NCOA7: variants seen among roughly 807,000 people sequenced by gnomAD.
NCOA7 encodes 140 kDa estrogen receptor-associated protein.
Under a neutral mutation model 104.3 loss-of-function variants are expected in NCOA7, and 45 were observed. The observed-to-expected ratio is 0.43, with a 90% CI of 0.34 to 0.55. The LOEUF (loss-of-function observed/expected upper bound fraction) is 0.55. NCOA7 is among the 20% of genes least tolerant of loss of function. NCOA7 has a pLI of 0.02. For missense variants in NCOA7, 1,041 were observed against 1,119.7 expected (o/e 0.93, Z 1.00); for synonymous variants, 398 against 402.3 (o/e 0.99, Z 0.13).
intron 3 of NCOA7, among the ~76,000 whole-genome samples, chr6:125,867,281 C>T (rs969408166): frequency 1.3e-5 from 2 of 152,164 alleles, no homozygotes; most frequent in Non-Finnish European, 1.5e-5. Flanking sequence ...CTGCTAATGA[C>T]CACATTTTCA....
chr6:125,928,303 G>C, intron 15 of NCOA7, 56 bp downstream of exon 15: 1 of 1,501,370 alleles, frequency 6.7e-7, no homozygotes, highest in South Asian at 1.2e-5. Flanking sequence ...TGACCTGAGT[G>C]GGTCTGTTTT....
intron 8 of NCOA7, among the ~76,000 whole-genome samples, chr6:125,887,454 G>A (rs1784343499): frequency 6.6e-6 from 1 of 152,144 alleles, no homozygotes; most frequent in African/African-American, 2.4e-5. Context: ...TTCTTTCACA[G>A]TTGTATTTCA....
Position 125,928,979 on chromosome 6 carries a change from C to G in NCOA7, c.*208C>G. The G allele has an allele frequency of 2.1e-6, 1 of 483,892 alleles. No homozygotes were observed. Among genetic ancestry groups the G allele is most frequent in the Non-Finnish European group, 3.5e-6 (1 of 287,280 alleles). 30.0% of individuals were successfully genotyped at this position (483,892 alleles called of 1,614,324 possible). ...ACATTGAAGAAAGAAACTTAAAATC[C>G]AGGTTGTTGAAAAGACTTTGTACTC... On this transcript the variant is annotated 3_prime_UTR_variant, in exon 16 of 16. Transcript: ENST00000392477.
chr6:125,797,563 G>A (rs1396208968), intron 1 of NCOA7, among the ~76,000 whole-genome samples: 5 of 152,132 alleles, frequency 3.3e-5, no homozygotes, highest in Non-Finnish European at 5.9e-5. Context: ...TGTGATTCTG[G>A]CCTCGCTACA....
chr6:125,919,713 G>A (rs999260992), intron 11 of NCOA7, among the ~76,000 whole-genome samples: 2 of 152,102 alleles, frequency 1.3e-5, no homozygotes, highest in African/African-American at 4.8e-5. Flanking sequence ...CATTTAAAAT[G>A]CTTGGTTTGT....
rs766597149 is a variant in NCOA7 at position 125,889,892 on chromosome 6, C to G, written c.1838C>G (p.Thr613Ser). The change falls in exon 9 of 16, where the codon ACT (threonine) becomes AGT (serine). Residue 613 changes from threonine to serine, a missense_variant. This residue lies in a region of NCOA7 where 914 missense variants were observed against 942.7 expected (regional missense o/e 0.97). Coordinates refer to ENST00000392477, the MANE Select transcript of NCOA7 (RefSeq NM_181782.5). ...GCTCTAGACTCCTCTTTGGAATCTA[C>G]TCTGGACAACAGCTGTCAAGGTGCA... is the stretch of plus-strand genomic sequence containing the variant. ...KEALDSSLESTLDNSCQGAQM... is the reference protein window; with the variant it reads ...KEALDSSLESSLDNSCQGAQM... 1 of 1,608,980 alleles carries G rather than the reference C, an allele frequency of 6.2e-7. No homozygotes were observed. The highest frequency in any genetic ancestry group is 1.1e-5 in the South Asian group (1 of 89,792).
At chr6:125,842,373 A>C (rs1403176276) in intron 2 of NCOA7, among the ~76,000 whole-genome samples, 1 of 152,182 alleles carries the variant, frequency 6.6e-6, no homozygotes, top group African/African-American at 2.4e-5. Flanking sequence ...GTCTTCAAGA[A>C]AACAACATTT....
intron 1 of NCOA7, among the ~76,000 whole-genome samples, chr6:125,804,658 T>G (rs1402725323): frequency 6.6e-6 from 1 of 152,208 alleles, no homozygotes; most frequent in Non-Finnish European, 1.5e-5. Context: ...ATGCATTCAA[T>G]ATATTAAAAA....
intron 8 of NCOA7, among the ~76,000 whole-genome samples, chr6:125,886,840 G>T (rs568060262): frequency 2.0e-5 from 3 of 152,362 alleles, no homozygotes; most frequent in Admixed American, 6.5e-5. Flanking sequence ...AAGTGGGTAT[G>T]TGTAAAACTC....
chr6:125,849,158 T>G (rs2128613213), intron 2 of NCOA7, among the ~76,000 whole-genome samples: 1 of 152,310 alleles, frequency 6.6e-6, no homozygotes, highest in Admixed American at 6.5e-5. Flanking sequence ...AGAAAAAGCT[T>G]CAGAAGAAAA....
intron 10 of NCOA7, among the ~76,000 whole-genome samples, chr6:125,912,498 G>A (rs1235858227): frequency 1.3e-5 from 2 of 152,168 alleles, no homozygotes; most frequent in East Asian, 1.9e-4. Context: ...GGGACACTAG[G>A]GTGTCATCAC....
At chr6:125,885,815 T>TGTA (rs1784209711) in intron 8 of NCOA7, among the ~76,000 whole-genome samples, 1 of 152,152 alleles carries the variant, frequency 6.6e-6, no homozygotes, top group Non-Finnish European at 1.5e-5. Context: ...GGGTCTACAG[T>TGTA]GTAGTGGTAG....
chr6:125,868,726 G>A (rs933980917), intron 3 of NCOA7, among the ~76,000 whole-genome samples: 1 of 152,200 alleles, frequency 6.6e-6, no homozygotes. Context: ...TCATAAATCA[G>A]GGTACCCCTT....
chr6:125,834,158 T>A (rs1779416943), intron 2 of NCOA7, among the ~76,000 whole-genome samples: 1 of 151,196 alleles, frequency 6.6e-6, no homozygotes, highest in Non-Finnish European at 1.5e-5. Flanking sequence ...TTTGTTTTTG[T>A]TTTAATAAAA....
chr6:125,813,332 C>G (rs929730015), intron 1 of NCOA7, among the ~76,000 whole-genome samples: 66 of 152,266 alleles, frequency 4.3e-4, no homozygotes, highest in African/African-American at 1.5e-3. Flanking sequence ...TGACCCAGAT[C>G]CTGCCCATGT....
Position 125,928,885 on chromosome 6 carries a change from C to T in NCOA7, c.*114C>T, listed in dbSNP as rs1262926324. 7.1e-6 allele frequency: 8 copies of T among 1,130,432 alleles called. No homozygotes were observed. The Admixed American group carries it at 1.1e-4, about 16-fold the overall frequency. 70.0% of individuals were successfully genotyped at this position (1,130,432 alleles called of 1,614,324 possible). A position where few individuals can be genotyped will look rare whatever the true frequency, so the allele number is the denominator to read the frequency against. On this transcript the variant is annotated 3_prime_UTR_variant, in exon 16 of 16. Coordinates refer to ENST00000392477, the MANE Select transcript of NCOA7 (RefSeq NM_181782.5). ...CCTGCCTCATCCCACCCCAATGCTTCCTTTCTGCCATCATCTCAGAGCATG... is the reference window on the plus strand; with the variant it reads ...CCTGCCTCATCCCACCCCAATGCTTTCTTTCTGCCATCATCTCAGAGCATG...
rs1788297766 is a variant in NCOA7, at chr6:125,929,085, CTG to C, written c.*317_*318del. The C allele has an allele frequency of 9.9e-6, 2 of 202,554 alleles. No individual in the cohort carries two copies. Among genetic ancestry groups the C allele is most frequent in the Non-Finnish European group, 2.0e-5 (2 of 101,638 alleles). The allele number at this position is 202,554 out of a possible 1,614,324, so 12.5% of individuals were successfully genotyped here. A position where few individuals can be genotyped will look rare whatever the true frequency, so the allele number is the denominator to read the frequency against. ...TGAATGCAATTTTTATTTTTGGTAA[CTG>C]TGAAAAATAAGATACTGTGGATATA... On this transcript the variant is annotated 3_prime_UTR_variant, in exon 16 of 16. Transcript: ENST00000392477.
intron 11 of NCOA7, among the ~76,000 whole-genome samples, chr6:125,920,614 C>T (rs888833806): frequency 6.6e-6 from 1 of 152,120 alleles, no homozygotes; most frequent in Non-Finnish European, 1.5e-5. Flanking sequence ...TCATGTTGCT[C>T]AGGCTAGTCT....
In NCOA7 at chr6:125,929,033, A is replaced by C. The variant is rs1489673225; in HGVS notation, c.*262A>C. ...CTTCCTCCAAATCCATACAGTGAGG[A>C]ATCAGAGTGTTTATAGATATATGAG... is the stretch of plus-strand genomic sequence containing the variant. On this transcript the variant is annotated 3_prime_UTR_variant, in exon 16 of 16. Coordinates refer to ENST00000392477, the MANE Select transcript of NCOA7 (RefSeq NM_181782.5). 2 of 340,068 alleles carry C rather than the reference A, an allele frequency of 5.9e-6. No homozygotes were observed. Among genetic ancestry groups the C allele is most frequent in the Non-Finnish European group, 1.1e-5 (2 of 189,202 alleles). 21.1% of individuals were successfully genotyped at this position (340,068 alleles called of 1,614,324 possible).
Sources: allele counts gnomAD v4.1 joint callset (sites outside exome capture counted in the v4.1 genomes callset), GRCh38; gene constraint gnomAD v4.1.1; regional missense constraint gnomAD v4.1.1; transcripts MANE v1.5; gene names NCBI Gene and HGNC (gene_info 2026-07-23, HGNC 2026-07-21).